Variants in PTPRD observed in about 807,000 individuals in gnomAD.
The protein encoded by PTPRD is receptor-type tyrosine-protein phosphatase delta.
PTPRD carries 34 observed loss-of-function variants against 214.5 expected under a neutral mutation model. The observed-to-expected ratio is 0.16, with a 90% CI of 0.12 to 0.21. The LOEUF (loss-of-function observed/expected upper bound fraction) is 0.21, where lower values mean the gene tolerates loss of function less well. PTPRD is among the 10% of genes least tolerant of loss of function. The pLI is 1.00. For missense variants in PTPRD, 2,545 were observed against 2,398.7 expected (o/e 1.06, Z -1.27); for synonymous variants, 1,128 against 845.7 (o/e 1.33, Z -5.79).
chr9:9,527,019 C>G (rs1334025965), intron 8 of PTPRD, among the ~76,000 whole-genome samples: 1 of 151,924 alleles, frequency 6.6e-6, no homozygotes, highest in Admixed American at 6.6e-5. Flanking sequence ...TTTACCTTGC[C>G]AAGTAAAATA....
intron 11 of PTPRD, among the ~76,000 whole-genome samples, chr9:9,016,650 A>G (rs2099536580): frequency 1.3e-5 from 2 of 152,122 alleles, no homozygotes; most frequent in Admixed American, 1.3e-4. Flanking sequence ...TGGTCGTTTG[A>G]CCTACCCCCT....
chr9:9,019,301 A>G (rs866879493), intron 10 of PTPRD, among the ~76,000 whole-genome samples: 3 of 70,690 alleles, frequency 4.2e-5, no homozygotes, highest in Non-Finnish European at 8.8e-5. Context: ...AGAAAGAAAG[A>G]AAGAAAGAAA....
At chr9:10,221,562 G>A (rs898139983) in intron 3 of PTPRD, among the ~76,000 whole-genome samples, 2 of 151,876 alleles carry the variant, frequency 1.3e-5, no homozygotes, top group African/African-American at 4.8e-5. Context: ...GAGTCCCTGA[G>A]CCAATAGGAA....
intron 2 of PTPRD, among the ~76,000 whole-genome samples, chr9:10,593,601 A>C (rs1297376726): frequency 6.6e-6 from 1 of 151,988 alleles, no homozygotes; most frequent in Non-Finnish European, 1.5e-5. Flanking sequence ...ATATGTCTAT[A>C]TTTATTTAAG....
At chr9:8,575,012 G>A (rs1436814572) in intron 14 of PTPRD, among the ~76,000 whole-genome samples, 1 of 151,976 alleles carries the variant, frequency 6.6e-6, no homozygotes, top group African/African-American at 2.4e-5. Flanking sequence ...AGATAATTTG[G>A]TCATCTATTT....
intron 32 of PTPRD, among the ~76,000 whole-genome samples, chr9:8,462,402 CAT>C (rs1256972932): frequency 6.6e-6 from 1 of 152,042 alleles, no homozygotes; most frequent in Non-Finnish European, 1.5e-5. Context: ...TCCTTCCTCT[CAT>C]AGTCTCCACT....
chr9:9,143,324 G>T (rs888379385), intron 10 of PTPRD, among the ~76,000 whole-genome samples: 3 of 152,138 alleles, frequency 2.0e-5, no homozygotes, highest in Non-Finnish European at 4.4e-5. Context: ...TCAGTCAGTG[G>T]TTAGAATTCA....
intron 3 of PTPRD, among the ~76,000 whole-genome samples, chr9:10,040,304 A>C (rs12552305): frequency 0.22 from 33,404 of 151,938 alleles, 4,442 homozygotes; most frequent in East Asian, 0.5. Flanking sequence ...TGCTGGATGT[A>C]GCTTTGAATA....
rs1413879499 is a variant in PTPRD at position 9,855,768 on chromosome 9, G to A, written c.-368+82739C>T. On this transcript the variant is annotated intron_variant, in intron 5 of 45. Transcript: ENST00000381196. ...GCTGGGAGGAGCAAACTTTGTGCGGGCCCCATGGCAAGTCCAGGAGGGATG... is the reference window on the plus strand; with the variant it reads ...GCTGGGAGGAGCAAACTTTGTGCGGACCCCATGGCAAGTCCAGGAGGGATG... Among the ~76,000 whole-genome samples the A allele has an allele frequency of 5.3e-5, 8 of 152,310 alleles. No individual in the cohort carries two copies. In the East Asian group the frequency reaches 1.6e-3, roughly 30 times the overall value.
chr9:8,475,524 C>A (rs1391591747), intron 30 of PTPRD, among the ~76,000 whole-genome samples: 1 of 152,086 alleles, frequency 6.6e-6, no homozygotes, highest in Non-Finnish European at 1.5e-5. Flanking sequence ...CAAATGATTT[C>A]CAGACTCATA....
intron 14 of PTPRD, among the ~76,000 whole-genome samples, chr9:8,614,054 T>G (rs950554957): frequency 1.3e-5 from 2 of 151,082 alleles, no homozygotes; most frequent in African/African-American, 4.9e-5. Context: ...GTTCTGTTAT[T>G]TGATATAGTG....
chr9:8,701,878 T>C (rs1187158962), intron 12 of PTPRD, among the ~76,000 whole-genome samples: 1 of 152,196 alleles, frequency 6.6e-6, no homozygotes, highest in East Asian at 1.9e-4. Flanking sequence ...ATTTTCATAC[T>C]TTATTGTAAT....
intron 2 of PTPRD, among the ~76,000 whole-genome samples, chr9:10,412,087 C>T (rs938016679): frequency 6.6e-5 from 10 of 151,680 alleles, no homozygotes; most frequent in African/African-American, 2.2e-4. Context: ...TTCATGTAAA[C>T]TCTGCAGTGC....
intron 4 of PTPRD, among the ~76,000 whole-genome samples, chr9:10,031,765 A>C (rs1273121742): frequency 1.3e-5 from 2 of 150,828 alleles, no homozygotes; most frequent in Non-Finnish European, 2.9e-5. Flanking sequence ...TTTTTTATGG[A>C]GTTTACTAGA....
intron 2 of PTPRD, among the ~76,000 whole-genome samples, chr9:10,496,898 C>T (rs2042220346): frequency 6.6e-6 from 1 of 151,964 alleles, no homozygotes; most frequent in Non-Finnish European, 1.5e-5. Context: ...TTCTCCCATT[C>T]TGTAGACTGT....
intron 7 of PTPRD, among the ~76,000 whole-genome samples, chr9:9,705,373 A>C (rs1408015661): frequency 6.6e-6 from 1 of 152,204 alleles, no homozygotes; most frequent in African/African-American, 2.4e-5. Flanking sequence ...GCTGAAACCT[A>C]ATATTTTGAA....
chr9:9,951,011 A>G (rs1338172270), intron 4 of PTPRD, among the ~76,000 whole-genome samples: 1 of 152,180 alleles, frequency 6.6e-6, no homozygotes, highest in Non-Finnish European at 1.5e-5. Flanking sequence ...TATGAAAGTA[A>G]CAAGAGATTC....
intron 4 of PTPRD, among the ~76,000 whole-genome samples, chr9:9,940,385 C>T (rs887178877): frequency 6.6e-6 from 1 of 152,052 alleles, no homozygotes; most frequent in Non-Finnish European, 1.5e-5. Context: ...TGAACTCCAT[C>T]AGGCTAGTTG....
intron 7 of PTPRD, among the ~76,000 whole-genome samples, chr9:9,720,362 A>G (rs2097914067): frequency 6.6e-6 from 1 of 152,210 alleles, no homozygotes; most frequent in Non-Finnish European, 1.5e-5. Flanking sequence ...AATCTCAAGG[A>G]ACATAAAGAG....
Sources: gnomAD v4.1 joint callset for allele counts (sites outside exome capture counted in the v4.1 genomes callset) on GRCh38, gnomAD v4.1.1 for gene constraint, MANE v1.5 for transcripts, NCBI Gene and HGNC (gene_info 2026-07-23, HGNC 2026-07-21) for gene names.